Variants in WNK2 observed in about 807,000 individuals in gnomAD.
The protein encoded by WNK2 is serine/threonine-protein kinase WNK2.
WNK2 carries 67 observed loss-of-function variants against 192.1 expected under a neutral mutation model. The observed-to-expected ratio is 0.35, with a 90% CI of 0.29 to 0.43. WNK2 has a LOEUF of 0.43. Among genes scored for constraint, WNK2 ranks in the 20% least tolerant of loss-of-function variants. The pLI, the probability that WNK2 is intolerant of heterozygous loss-of-function variation, is 1.00. For synonymous variants in WNK2, 1,439 were observed against 1,393.9 expected (o/e 1.03, Z -0.72); for missense variants, 2,698 against 3,089.7 (o/e 0.87, Z 3.01).
intron 29 of WNK2, 128 bp downstream of exon 29, chr9:93,317,759 C>A: frequency 6.8e-7 from 1 of 1,466,854 alleles, no homozygotes; most frequent in South Asian, 1.3e-5. Context: ...GGGCACAGGG[C>A]AGCTGGAACA....
chr9:93,276,025 T>A (rs2133438803), intron 19 of WNK2, among the ~76,000 whole-genome samples: 1 of 152,362 alleles, frequency 6.6e-6, no homozygotes, highest in Admixed American at 6.5e-5. Context: ...ATGTCACTTC[T>A]ACCCAAATGG....
intron 2 of WNK2, among the ~76,000 whole-genome samples, chr9:93,191,734 G>C (rs1830364654): frequency 6.6e-6 from 1 of 152,094 alleles, no homozygotes; most frequent in Non-Finnish European, 1.5e-5. Context: ...TGAAGGTAGA[G>C]AAGGTAGGAA....
In WNK2 at chr9:93,292,390, C is replaced by T; in HGVS notation, c.5019C>T (p.Val1673=). The part of the protein sequence containing the change: ...VASDSHVVPS[V]PQDVPAFVRP... ...CAGACTCCCATGTGGTCCCCAGCGTCCCCCAGGTAAGGGCGACTTGACGAC... is the reference window on the plus strand; with the variant it reads ...CAGACTCCCATGTGGTCCCCAGCGTTCCCCAGGTAAGGGCGACTTGACGAC... Residue 1673 remains valine (V), a synonymous_variant, in exon 22 of 30, where the codon GTC becomes GTT. Transcript: ENST00000427277. The T allele has an allele frequency of 6.2e-7, 1 of 1,613,960 alleles. No individual in the cohort carries two copies. Among genetic ancestry groups the T allele is most frequent in the African/African-American group, 1.3e-5 (1 of 75,062 alleles).
At chr9:93,187,861 G>A (rs956914707) in intron 2 of WNK2, among the ~76,000 whole-genome samples, 1 of 152,122 alleles carries the variant, frequency 6.6e-6, no homozygotes, top group African/African-American at 2.4e-5. Flanking sequence ...AGGGAGATCA[G>A]GGGCTGTGGG....
At chr9:93,207,541 C>T (rs775317715) in intron 2 of WNK2, among the ~76,000 whole-genome samples, 9 of 152,194 alleles carry the variant, frequency 5.9e-5, no homozygotes, top group Non-Finnish European at 1.2e-4. Flanking sequence ...GGTTGGTTTG[C>T]GAGCTTTACA....
At chr9:93,237,176 A>T (rs1283586083) in intron 5 of WNK2, among the ~76,000 whole-genome samples, 4 of 152,226 alleles carry the variant, frequency 2.6e-5, no homozygotes, top group Non-Finnish European at 4.4e-5. Flanking sequence ...ATTTATTCCC[A>T]GCTCGGCTTT....
rs761505074 is a variant in WNK2 at position 93,257,106 on chromosome 9, G to A, written c.2349G>A (p.Ala783=). 1.3e-5 allele frequency: 21 copies of A among 1,608,438 alleles called. No homozygotes were observed. The highest frequency in any genetic ancestry group is 8.0e-5 in the African/African-American group (6 of 74,638). ...AQLKPLQMPQ[A]PLQPLAQVPP... ...TGAAGCCCCTCCAGATGCCACAGGC[G>A]CCCCTGCAGCCGCTTGCTCAAGTCC... The change falls in exon 11 of 30, where the codon GCG becomes GCA. Residue 783 remains alanine (A), a synonymous_variant. Transcript: ENST00000427277. The surrounding 1 kb of genome is among the most constrained non-coding windows in gnomAD (Gnocchi z 4.7).
chr9:93,317,602 C>A lies in WNK2; in HGVS notation c.6599C>A (p.Ala2200Asp), dbSNP rs146916008. The A allele has an allele frequency of 6.2e-7, 1 of 1,613,092 alleles. No homozygotes were observed. The highest frequency in any genetic ancestry group is 1.7e-5 in the Admixed American group (1 of 60,012). ...CTGTCCACCACGGTCATTCCCGGAGCCGCCCCGACCCTGTCCGTGCCCACA... is the reference window on the plus strand; with the variant it reads ...CTGTCCACCACGGTCATTCCCGGAGACGCCCCGACCCTGTCCGTGCCCACA... Reference protein sequence around the residue: ...GPLSTTVIPGAAPTLSVPTPD... With the variant: ...GPLSTTVIPGDAPTLSVPTPD... Residue 2200 changes from alanine (A) to aspartate (D), a missense_variant, in exon 29 of 30, where the codon GCC becomes GAC. Around this residue, in one of 7 missense-constraint regions of WNK2, gnomAD observed 167 missense variants for 184.2 expected, o/e 0.91. Coordinates refer to ENST00000427277, the MANE Select transcript of WNK2 (RefSeq NM_006648.4).
At chr9:93,230,859 T>A (rs1178015326) in intron 3 of WNK2, 29 bp from the exon 4 acceptor site, 6 of 1,598,716 alleles carry the variant, frequency 3.8e-6, no homozygotes, top group Admixed American at 3.4e-5. Context: ...GCGAGCTGCT[T>A]GGTGAGCTGT....
At chr9:93,193,255 G>A (rs2131035973) in intron 2 of WNK2, among the ~76,000 whole-genome samples, 1 of 152,302 alleles carries the variant, frequency 6.6e-6, no homozygotes, top group African/African-American at 2.4e-5. Flanking sequence ...CCAGTGCGTG[G>A]CCATGGGAGG....
rs1855233984 is a variant in WNK2 at position 93,319,328 on chromosome 9, A to AGGAGGGTGCTGAGGGGC, written c.6629-1038_6629-1022dup. The AGGAGGGTGCTGAGGGGC allele has an allele frequency of 2.0e-5, 29 of 1,416,058 alleles. No individual in the cohort carries two copies. The South Asian group carries it at 4.1e-4, about 20-fold the overall frequency. The allele number at this position is 1,416,058 out of a possible 1,614,324, so 87.7% of individuals were successfully genotyped here. On this transcript the variant is annotated intron_variant, in intron 29 of 29. Coordinates refer to ENST00000427277, the MANE Select transcript of WNK2 (RefSeq NM_006648.4). ...GGCTCAGCTGCATCCACACCTCTGGAGGAGGGTGCTGAGGGGCTGCGGGTG... is the reference window on the plus strand; with the variant it reads ...GGCTCAGCTGCATCCACACCTCTGGAGGAGGGTGCTGAGGGGCGGAGGGTGCTGAGGGGCTGCGGGTG...
chr9:93,259,716 C>A lies in WNK2; in HGVS notation c.3066+102C>A. ...GAGGCAGGCAAGGAGGCAGCCCTGC[C>A]TGGGGTCGCCCCTCTCAGGAAGAGA... On this transcript the variant is annotated intron_variant, in intron 12 of 29. Coordinates refer to ENST00000427277, the MANE Select transcript of WNK2 (RefSeq NM_006648.4). This position sits in a 1 kb window ranked among gnomAD's most constrained non-coding sequence, Gnocchi z 4.8. 8.6e-7 allele frequency: 1 copy of A among 1,167,736 alleles called. No homozygotes were observed. Among genetic ancestry groups the A allele is most frequent in the Non-Finnish European group, 1.2e-6 (1 of 855,310 alleles). 72.3% of individuals were successfully genotyped at this position (1,167,736 alleles called of 1,614,324 possible). A position where few individuals can be genotyped will look rare whatever the true frequency, so the allele number is the denominator to read the frequency against.
chr9:93,204,419 G>A (rs766481064), intron 2 of WNK2, among the ~76,000 whole-genome samples: 7 of 152,222 alleles, frequency 4.6e-5, no homozygotes, highest in Non-Finnish European at 8.8e-5. Flanking sequence ...AACTGCCCAG[G>A]TTTGGAATGG....
At chr9:93,215,300 C>G (rs896018093) in intron 2 of WNK2, among the ~76,000 whole-genome samples, 1 of 152,000 alleles carries the variant, frequency 6.6e-6, no homozygotes, top group African/African-American at 2.4e-5. Flanking sequence ...TTAGTAGAGA[C>G]AGTTTCGTCA....
intron 19 of WNK2, among the ~76,000 whole-genome samples, chr9:93,269,866 T>G (rs1845776695): frequency 6.6e-6 from 1 of 152,144 alleles, no homozygotes; most frequent in Non-Finnish European, 1.5e-5. Context: ...TGGTGGCAGA[T>G]CTGTTAATTT....
At position 93,247,276 on chromosome 9, in the gene WNK2, G is replaced by A. The variant is rs1239517535; in HGVS notation, c.1543-267G>A. On this transcript the variant is annotated intron_variant, in intron 7 of 29. Transcript: ENST00000427277. The surrounding 1 kb of genome is among the most constrained non-coding windows in gnomAD (Gnocchi z 5.2). ...GGGAGCTCAGGGAGCCCTTGGGTCC[G>A]GTTGAGGGGCTGGTCTGCTTTGCTC... is the stretch of plus-strand genomic sequence containing the variant. Among the ~76,000 whole-genome samples, 1 of 152,216 alleles carries A rather than the reference G, an allele frequency of 6.6e-6. No homozygotes were observed. The highest frequency in any genetic ancestry group is 1.5e-5 in the Non-Finnish European group (1 of 68,038).
At chr9:93,193,197 C>G (rs1408441589) in intron 2 of WNK2, among the ~76,000 whole-genome samples, 1 of 152,156 alleles carries the variant, frequency 6.6e-6, no homozygotes, top group East Asian at 1.9e-4. Context: ...GCCGCACTGC[C>G]CTGGTGCATA....
chr9:93,318,536 A>G (rs2134493736), intron 29 of WNK2: 2 of 1,614,092 alleles, frequency 1.2e-6, no homozygotes, highest in Non-Finnish European at 1.7e-6. Flanking sequence ...CATGCCCCCC[A>G]TGCCAGTGGG....
intron 2 of WNK2, among the ~76,000 whole-genome samples, chr9:93,225,604 C>T (rs193090964): frequency 6.6e-6 from 1 of 152,182 alleles, no homozygotes; most frequent in African/African-American, 2.4e-5. Flanking sequence ...GGTACGCCCC[C>T]CTACTTCCCG....
Sources: allele counts gnomAD v4.1 joint callset (sites outside exome capture counted in the v4.1 genomes callset), GRCh38; gene constraint gnomAD v4.1.1; regional missense constraint gnomAD v4.1.1; non-coding constraint Gnocchi (gnomAD v3.1); transcripts MANE v1.5; gene names NCBI Gene and HGNC (gene_info 2026-07-23, HGNC 2026-07-21).